The following EDIL3 variants were observed in gnomAD, a reference collection of about 807,000 sequenced individuals.
EDIL3 encodes the protein EGF-like repeat and discoidin I-like domain-containing protein 3.
Under a neutral mutation model 67.4 loss-of-function variants are expected in EDIL3, and 37 were observed. The observed-to-expected ratio is 0.55, with a 90% CI of 0.42 to 0.72. The LOEUF (loss-of-function observed/expected upper bound fraction) is 0.72, where lower values mean the gene tolerates loss of function less well. Among genes scored for constraint, EDIL3 ranks in the 30% least tolerant of loss-of-function variants. The pLI is 0.00. For synonymous variants in EDIL3, 195 were observed against 196.3 expected (o/e 0.99, Z 0.05); for missense variants, 527 against 586.3 (o/e 0.90, Z 1.04).
chr5:84,296,356 T>G (rs779908059), intron 1 of EDIL3, among the ~76,000 whole-genome samples: 10 of 152,170 alleles, frequency 6.6e-5, no homozygotes, highest in Non-Finnish European at 1.2e-4. Context: ...TAAGTAAAAG[T>G]TATATTCTAG....
At chr5:83,952,042 C>T (rs1021017616) in intron 10 of EDIL3, among the ~76,000 whole-genome samples, 3 of 151,772 alleles carry the variant, frequency 2.0e-5, no homozygotes, top group African/African-American at 4.8e-5. Flanking sequence ...CATCTCCATT[C>T]ATTCTACGGA....
chr5:84,250,564 C>T (rs912507688), intron 2 of EDIL3, among the ~76,000 whole-genome samples: 3 of 152,234 alleles, frequency 2.0e-5, no homozygotes, highest in Non-Finnish European at 2.9e-5. Context: ...GGATGAGGAT[C>T]GCTTGAAATA....
intron 9 of EDIL3, among the ~76,000 whole-genome samples, chr5:83,983,227 A>C (rs954500464): frequency 5.9e-5 from 9 of 152,104 alleles, no homozygotes; most frequent in African/African-American, 2.2e-4. Context: ...ATCTGTTTAC[A>C]AATGCTTGTC....
chr5:84,017,185 T>C (rs189190535), intron 9 of EDIL3, among the ~76,000 whole-genome samples: 134 of 152,312 alleles, frequency 8.8e-4, no homozygotes, highest in Middle Eastern at 3.4e-3. Context: ...CTAGTTCTAT[T>C]GTCAAGATTT....
intron 9 of EDIL3, among the ~76,000 whole-genome samples, chr5:84,058,927 C>T (rs1368151141): frequency 6.6e-6 from 1 of 151,996 alleles, no homozygotes; most frequent in East Asian, 1.9e-4. Flanking sequence ...TACTCCTTAT[C>T]TTCAAAAAGT....
At chr5:84,216,874 C>T (rs978488006) in intron 3 of EDIL3, among the ~76,000 whole-genome samples, 1 of 152,112 alleles carries the variant, frequency 6.6e-6, no homozygotes, top group African/African-American at 2.4e-5. Flanking sequence ...TACAGCATAC[C>T]TCTAAGGTAG....
intron 9 of EDIL3, among the ~76,000 whole-genome samples, chr5:84,010,054 C>T (rs773624678): frequency 1.3e-5 from 2 of 152,204 alleles, no homozygotes; most frequent in African/African-American, 2.4e-5. Context: ...ACACAGCTAG[C>T]GGACTCAAAG....
chr5:84,251,782 T>C (rs923288205), intron 2 of EDIL3, among the ~76,000 whole-genome samples: 2 of 152,186 alleles, frequency 1.3e-5, no homozygotes, highest in South Asian at 4.1e-4. Flanking sequence ...AGTTTTTTCC[T>C]AGTATTTTAA....
chr5:84,269,583 C>T (rs1258331621), intron 1 of EDIL3, among the ~76,000 whole-genome samples: 2 of 152,032 alleles, frequency 1.3e-5, no homozygotes, highest in Non-Finnish European at 2.9e-5. Flanking sequence ...TCTGTTTCTC[C>T]ACAATAGTAA....
At chr5:84,293,598 A>G (rs1177647970) in intron 1 of EDIL3, among the ~76,000 whole-genome samples, 1 of 152,084 alleles carries the variant, frequency 6.6e-6, no homozygotes, top group Non-Finnish European at 1.5e-5. Flanking sequence ...AAGGTAAATT[A>G]AAGCTGGCAA....
chr5:84,306,558 T>C (rs945308186), intron 1 of EDIL3, among the ~76,000 whole-genome samples: 2 of 152,228 alleles, frequency 1.3e-5, no homozygotes, highest in African/African-American at 4.8e-5. Flanking sequence ...TCTTGACCAA[T>C]ACTGTTCAGA....
At chr5:84,008,527 C>T (rs978301724) in intron 9 of EDIL3, among the ~76,000 whole-genome samples, 1 of 152,182 alleles carries the variant, frequency 6.6e-6, no homozygotes, top group Middle Eastern at 3.4e-3. Context: ...TATTGGGTAA[C>T]ACCCTCCTTT....
chr5:83,959,201 A>G lies in EDIL3; in HGVS notation c.1293+4004T>C, dbSNP rs867244897. Reference sequence around the variant, plus strand: ...CTCCTGTGTGTGTGTGGGTGTGTATATATATATATACATTATATACATATA... The same window carrying G: ...CTCCTGTGTGTGTGTGGGTGTGTATGTATATATATACATTATATACATATA... On this transcript the variant is annotated intron_variant, in intron 10 of 10. Coordinates refer to ENST00000296591, the MANE Select transcript of EDIL3 (RefSeq NM_005711.5). Among the ~76,000 whole-genome samples the G allele has an allele frequency of 2.0e-5, 3 of 148,014 alleles. No homozygotes were observed. The South Asian group carries it at 6.3e-4, about 31-fold the overall frequency.
chr5:84,335,904 T>C (rs1265683363), intron 1 of EDIL3, among the ~76,000 whole-genome samples: 2 of 152,196 alleles, frequency 1.3e-5, no homozygotes, highest in African/African-American at 4.8e-5. Context: ...ACTCACTCTC[T>C]TCTGCAAAGA....
At chr5:84,220,672 T>C (rs1353323443) in intron 3 of EDIL3, among the ~76,000 whole-genome samples, 4 of 152,186 alleles carry the variant, frequency 2.6e-5, no homozygotes, top group Non-Finnish European at 5.9e-5. Context: ...TGTTCATGTA[T>C]CAACACCTTA....
chr5:84,139,156 G>C (rs1748145016), intron 4 of EDIL3, among the ~76,000 whole-genome samples: 2 of 151,950 alleles, frequency 1.3e-5, no homozygotes, highest in Non-Finnish European at 1.5e-5. Flanking sequence ...AGAATTGCTT[G>C]AACCCTGAAG....
chr5:84,174,457 T>G (rs1386382973), intron 4 of EDIL3, among the ~76,000 whole-genome samples: 2 of 152,214 alleles, frequency 1.3e-5, no homozygotes, highest in Non-Finnish European at 2.9e-5. Flanking sequence ...CAATAGATGG[T>G]TATGGAATGG....
intron 1 of EDIL3, among the ~76,000 whole-genome samples, chr5:84,291,372 C>T (rs559063833): frequency 1.4e-4 from 21 of 152,122 alleles, no homozygotes; most frequent in Admixed American, 7.9e-4. Flanking sequence ...AGGGAACAAT[C>T]GCACTTTTTA....
rs1185587416 is a variant in EDIL3 at position 84,319,489 on chromosome 5, A to C, written c.67+64819T>G. On this transcript the variant is annotated intron_variant, in intron 1 of 10. Transcript: ENST00000296591. ...AAAAAAAAAAAAACAAAAAACAAAA[A>C]ACAACAAAAAAAAAAAAAAAAAAAA... Among the ~76,000 whole-genome samples the C allele has an allele frequency of 5.3e-5, 3 of 56,098 alleles. 1 individual carries two copies. The highest frequency in any genetic ancestry group is 1.1e-4 in the Non-Finnish European group (3 of 26,186). 36.8% of individuals were successfully genotyped at this position (56,098 alleles called of 152,430 possible).
Sources: allele counts gnomAD v4.1 joint callset (sites outside exome capture counted in the v4.1 genomes callset), GRCh38; gene constraint gnomAD v4.1.1; transcripts MANE v1.5; gene names NCBI Gene and HGNC (gene_info 2026-07-23, HGNC 2026-07-21).